PRKN: variants seen among roughly 807,000 people sequenced by gnomAD.
The protein encoded by PRKN is parkin RBR E3 ubiquitin protein ligase, also known as E3 ubiquitin-protein ligase parkin.
PRKN carries 56 observed loss-of-function variants against 59.5 expected under a neutral mutation model. The ratio of observed to expected loss-of-function variants is 0.94; its 90% CI spans 0.76 to 1.18. The LOEUF (loss-of-function observed/expected upper bound fraction) is 1.18, where lower values mean the gene tolerates loss of function less well. Among genes scored for constraint, PRKN ranks in the 50% most tolerant of loss-of-function variants. The pLI is 0.00. For synonymous variants in PRKN, 250 were observed against 222.1 expected, an observed-to-expected ratio of 1.13 and a Z score of -1.12; for missense variants, 657 against 596.4, an observed-to-expected ratio of 1.10 and a Z score of -1.06.
At chr6:162,100,005 T>C (rs1373698799) in intron 4 of PRKN, among the ~76,000 whole-genome samples, 1 of 152,272 alleles carries the variant, frequency 6.6e-6, no homozygotes, top group African/African-American at 2.4e-5. Flanking sequence ...AGATTCCACG[T>C]ATACGTGAAA....
At chr6:161,412,304 GCTCA>G (rs1274228760) in intron 9 of PRKN, among the ~76,000 whole-genome samples, 1 of 121,120 alleles carries the variant, frequency 8.3e-6, no homozygotes, top group East Asian at 2.6e-4. Flanking sequence ...TCATTCCTCT[GCTCA>G]CTCATTCGTC....
At chr6:162,425,033 A>C (rs1789164998) in intron 2 of PRKN, among the ~76,000 whole-genome samples, 1 of 151,162 alleles carries the variant, frequency 6.6e-6, no homozygotes, top group African/African-American at 2.4e-5. Flanking sequence ...AGTCCTAGAA[A>C]ACCAATGACT....
At chr6:162,068,635 C>T (rs913685105) in intron 4 of PRKN, among the ~76,000 whole-genome samples, 3 of 152,212 alleles carry the variant, frequency 2.0e-5, no homozygotes, top group African/African-American at 7.2e-5. Context: ...GCTTCCTCAC[C>T]TTGGCAGTTC....
intron 5 of PRKN, among the ~76,000 whole-genome samples, chr6:161,992,809 G>T (rs1313451188): frequency 6.6e-6 from 1 of 151,962 alleles, no homozygotes; most frequent in African/African-American, 2.4e-5. Context: ...AGAAACTTTG[G>T]GAACTGTACA....
At chr6:161,643,972 G>A (rs144070134) in intron 7 of PRKN, among the ~76,000 whole-genome samples, 3 of 29,190 alleles carry the variant, frequency 1.0e-4, no homozygotes, top group East Asian at 9.8e-4. Context: ...ATATCTTGGT[G>A]GGGGGGGCCA....
intron 5 of PRKN, among the ~76,000 whole-genome samples, chr6:162,014,456 TC>T (rs1782857105): frequency 6.6e-6 from 1 of 152,124 alleles, no homozygotes; most frequent in Non-Finnish European, 1.5e-5. Flanking sequence ...AAGACATGCT[TC>T]CTCACTGTGA....
intron 4 of PRKN, among the ~76,000 whole-genome samples, chr6:162,066,457 T>A (rs75982881): frequency 1.3e-5 from 2 of 152,316 alleles, no homozygotes; most frequent in South Asian, 4.1e-4. Flanking sequence ...AATTCATGTG[T>A]TGGAAACTGA....
chr6:162,283,785 T>C (rs555838154), intron 2 of PRKN, among the ~76,000 whole-genome samples: 2 of 152,142 alleles, frequency 1.3e-5, no homozygotes, highest in African/African-American at 2.4e-5. Context: ...CTTCCCAAAG[T>C]GCTGGGATTA....
At chr6:161,862,482 G>T (rs1221265822) in intron 6 of PRKN, among the ~76,000 whole-genome samples, 1 of 152,132 alleles carries the variant, frequency 6.6e-6, no homozygotes, top group African/African-American at 2.4e-5. Context: ...AGAAATAAAT[G>T]AATGAATAAG....
At chr6:162,224,418 T>C (rs1778074038) in intron 3 of PRKN, among the ~76,000 whole-genome samples, 1 of 152,132 alleles carries the variant, frequency 6.6e-6, no homozygotes, top group Non-Finnish European at 1.5e-5. Flanking sequence ...TGCGAGGCTA[T>C]ACCATGCAGG....
intron 6 of PRKN, among the ~76,000 whole-genome samples, chr6:161,895,893 G>C (rs971300126): frequency 1.3e-5 from 2 of 152,168 alleles, no homozygotes; most frequent in Non-Finnish European, 2.9e-5. Flanking sequence ...AAGCTGAGCA[G>C]TGAAGGAAAA....
rs1790218715 is a variant in PRKN at position 161,461,414 on chromosome 6, T to TG, written c.1084-74538dup. On this transcript the variant is annotated intron_variant, in intron 9 of 11. Coordinates refer to ENST00000366898, the MANE Select transcript of PRKN (RefSeq NM_004562.3). This position sits in a 1 kb window ranked among gnomAD's most constrained non-coding sequence, Gnocchi z 5.1. ...TTTTAAGCTCTAGGGAATCACTTTA[T>TG]GGGGGGTGTTATGAGCATATTTTAT... is the stretch of plus-strand genomic sequence containing the variant. Among the ~76,000 whole-genome samples, 1 of 151,980 alleles carries TG rather than the reference T, an allele frequency of 6.6e-6. No homozygotes were observed. The highest frequency in any genetic ancestry group is 2.4e-5 in the African/African-American group (1 of 41,370).
intron 1 of PRKN, chr6:162,643,773 T>A (rs1204824568): frequency 6.6e-6 from 1 of 152,232 alleles, no homozygotes; most frequent in Admixed American, 6.5e-5. Context: ...TCCAGTGTTT[T>A]GCTGAAGCTT....
At chr6:162,635,769 C>T (rs1174942464) in intron 1 of PRKN, among the ~76,000 whole-genome samples, 1 of 151,958 alleles carries the variant, frequency 6.6e-6, no homozygotes, top group East Asian at 1.9e-4. Flanking sequence ...CTGATGATTC[C>T]ACCAATAATT....
chr6:161,411,292 G>A (rs996426971), intron 9 of PRKN, among the ~76,000 whole-genome samples: 4 of 152,148 alleles, frequency 2.6e-5, no homozygotes, highest in Non-Finnish European at 4.4e-5. Flanking sequence ...CCTTGTGGTA[G>A]TGAATAAGTC....
At chr6:162,092,730 C>G (rs1779552161) in intron 4 of PRKN, among the ~76,000 whole-genome samples, 1 of 152,182 alleles carries the variant, frequency 6.6e-6, no homozygotes, top group African/African-American at 2.4e-5. Flanking sequence ...CGAGCAAGTT[C>G]TATACAAAGC....
intron 2 of PRKN, among the ~76,000 whole-genome samples, chr6:162,429,869 C>T (rs1789423150): frequency 6.6e-6 from 1 of 152,068 alleles, no homozygotes; most frequent in Non-Finnish European, 1.5e-5. Context: ...TGTGCAAAGC[C>T]CCTCTGCGTT....
chr6:161,890,448 C>A (rs9355952), intron 6 of PRKN, among the ~76,000 whole-genome samples: 1 of 151,962 alleles, frequency 6.6e-6, no homozygotes. Flanking sequence ...ACAACGGAGA[C>A]GAGAGCAAAA....
At position 161,581,580 on chromosome 6, in the gene PRKN, A is replaced by G. The variant is rs528586372; in HGVS notation, c.872-12164T>C. 6.6e-6 allele frequency among the ~76,000 whole-genome samples: 1 copy of G among 152,314 alleles called. No individual in the cohort carries two copies. The highest frequency in any genetic ancestry group is 2.1e-4 in the South Asian group (1 of 4,820). On this transcript the variant is annotated intron_variant, in intron 7 of 11. Transcript: ENST00000366898. The surrounding 1 kb of genome is among the most constrained non-coding windows in gnomAD (Gnocchi z 4.5). ...TTTGAGTCACTGGACAATCAGAAGCAAAGACTTACTTATGGACAAGGTGAA... is the reference window on the plus strand; with the variant it reads ...TTTGAGTCACTGGACAATCAGAAGCGAAGACTTACTTATGGACAAGGTGAA...
Sources: gnomAD v4.1 joint callset for allele counts (sites outside exome capture counted in the v4.1 genomes callset) on GRCh38, gnomAD v4.1.1 for gene constraint, Gnocchi (gnomAD v3.1) non-coding constraint, MANE v1.5 for transcripts, NCBI Gene and HGNC (gene_info 2026-07-23, HGNC 2026-07-21) for gene names.